Variants in NAA38 observed in about 807,000 individuals in gnomAD.
NAA38 encodes LSM domain containing 1.
A neutral mutation model predicts 12.6 loss-of-function variants in NAA38; 15 were observed. That is an observed-to-expected ratio of 1.19 (90% CI 0.79 to 1.83). NAA38 has a LOEUF of 1.83. Among genes scored for constraint, NAA38 ranks in the 40% most tolerant of loss-of-function variants. NAA38 has a pLI of 0.00. For missense variants in NAA38, 183 were observed against 171.7 expected (o/e 1.07, Z -0.37); for synonymous variants, 88 against 69.9 (o/e 1.26, Z -1.29).
chr17:7,865,047 C>G (rs1357047792), intron 3 of NAA38: 1 of 152,102 alleles, frequency 6.6e-6, no homozygotes, highest in South Asian at 2.1e-4. Context: ...CCTGTACATA[C>G]ACATACCTAT....
chr17:7,884,744 GT>G, intron 1 of NAA38: 1 of 361,636 alleles, frequency 2.8e-6, no homozygotes, highest in South Asian at 6.1e-5. Context: ...GGTGGTGGTG[GT>G]AGCGGTGGGG....
At chr17:7,863,157 T>G (rs1189193220) in intron 3 of NAA38, 1 of 152,156 alleles carries the variant, frequency 6.6e-6, no homozygotes, top group African/African-American at 2.4e-5. Context: ...AATAATAGAA[T>G]GCATTCACTT....
At chr17:7,877,814 C>T (rs531903741) in intron 2 of NAA38, among the ~76,000 whole-genome samples, 1 of 152,268 alleles carries the variant, frequency 6.6e-6, no homozygotes, top group Admixed American at 6.5e-5. Context: ...ATCAGTTTCA[C>T]ATATTAGTGT....
upstream of NAA38, chr17:7,859,255 C>T: frequency 2.8e-6 from 2 of 718,172 alleles, no homozygotes; most frequent in South Asian, 1.8e-5. Flanking sequence ...GGAGTTTCAG[C>T]TTTTTTTTCC....
At chr17:7,885,043 G>GCCA in intron 1 of NAA38, 1 of 1,088,840 alleles carries the variant, frequency 9.2e-7, no homozygotes, top group Non-Finnish European at 1.1e-6. Context: ...CGCCGCCGCC[G>GCCA]CCGCCACCGC....
At chr17:7,866,434 T>C in intron 3 of NAA38, 2 of 1,220,366 alleles carry the variant, frequency 1.6e-6, no homozygotes, top group Non-Finnish European at 2.0e-6. Context: ...AAAGTTCCCA[T>C]GTTAAAAGTC....
chr17:7,858,783 C>T (rs766937014), upstream of NAA38: 3 of 1,579,274 alleles, frequency 1.9e-6, no homozygotes, highest in Non-Finnish European at 1.7e-6. Flanking sequence ...CCGGAGCATC[C>T]GCATCATTAA....
At chr17:7,865,994 A>C (rs1162828327) in intron 3 of NAA38, 1 of 151,914 alleles carries the variant, frequency 6.6e-6, no homozygotes, top group East Asian at 1.9e-4. Context: ...GCCCTCTAGG[A>C]GCTTACAGTT....
At chr17:7,867,875 A>G (rs1967016757) in intron 2 of NAA38, among the ~76,000 whole-genome samples, 1 of 152,176 alleles carries the variant, frequency 6.6e-6, no homozygotes, top group African/African-American at 2.4e-5. Flanking sequence ...GTCTAAGGCA[A>G]AGGGAGGAGT....
chr17:7,879,932 G>A (rs1967241746), intron 2 of NAA38, among the ~76,000 whole-genome samples: 1 of 151,966 alleles, frequency 6.6e-6, no homozygotes, highest in Non-Finnish European at 1.5e-5. Context: ...AAAATAGGCT[G>A]GCAGGGAGGG....
intron 2 of NAA38, among the ~76,000 whole-genome samples, chr17:7,881,769 G>A (rs937177492): frequency 1.3e-5 from 2 of 150,734 alleles, no homozygotes; most frequent in African/African-American, 4.9e-5. Flanking sequence ...ATGGGGAGCC[G>A]TGGCAGGGCC....
upstream of NAA38, chr17:7,861,054 A>G (rs527610167): frequency 7.2e-5 from 11 of 152,302 alleles, no homozygotes; most frequent in East Asian, 2.1e-3. Context: ...CTAAGTCAGA[A>G]AACTCTCCTG....
chr17:7,878,937 A>G (rs894595149), intron 2 of NAA38, among the ~76,000 whole-genome samples: 1 of 151,348 alleles, frequency 6.6e-6, no homozygotes, highest in African/African-American at 2.4e-5. Flanking sequence ...ATATGTGTAT[A>G]TATGTTTAAT....
intron 2 of NAA38, among the ~76,000 whole-genome samples, chr17:7,869,763 C>CA (rs1316834444): frequency 1.3e-5 from 2 of 148,716 alleles, no homozygotes; most frequent in Admixed American, 6.7e-5. Flanking sequence ...ACTCCGTCTC[C>CA]AAAAAAAAGA....
upstream of NAA38, chr17:7,857,999 G>A: frequency 7.3e-6 from 11 of 1,513,550 alleles, no homozygotes; most frequent in South Asian, 1.0e-4. Context: ...GGCCGGAAAA[G>A]GACAATGGTT....
At chr17:7,856,968 A>C in intron 2 of NAA38, 47 bp downstream of exon 2, 1 of 1,587,438 alleles carries the variant, frequency 6.3e-7, no homozygotes, top group South Asian at 1.1e-5. Flanking sequence ...GCCTTGCGTA[A>C]GGTTCCGCCA....
intron 2 of NAA38, among the ~76,000 whole-genome samples, chr17:7,867,264 A>AT (rs1034644264): frequency 3.6e-4 from 54 of 149,482 alleles, no homozygotes; most frequent in African/African-American, 1.3e-3. Context: ...GTTAAGTTTT[A>AT]TTTTTTTTTA....
chr17:7,865,602 G>A (rs1966949654), intron 3 of NAA38: 1 of 152,308 alleles, frequency 6.6e-6, no homozygotes, highest in South Asian at 2.1e-4. Context: ...AGAACCAAGA[G>A]GAAGCTGAAT....
chr17:7,884,015 G>C (rs1049943828), intron 1 of NAA38, among the ~76,000 whole-genome samples: 1 of 151,882 alleles, frequency 6.6e-6, no homozygotes, highest in Non-Finnish European at 1.5e-5. Context: ...TTTATAAGGG[G>C]GGAGTTAGTC....
Sources: gnomAD v4.1 joint callset for allele counts (sites outside exome capture counted in the v4.1 genomes callset) on GRCh38, gnomAD v4.1.1 for gene constraint, MANE v1.5 for transcripts, NCBI Gene and HGNC (gene_info 2026-07-23, HGNC 2026-07-21) for gene names.